SGCZ: variants seen among roughly 807,000 people sequenced by gnomAD.
SGCZ encodes sarcoglycan zeta, also known as zeta-sarcoglycan.
SGCZ carries 40 observed loss-of-function variants against 41.3 expected under a neutral mutation model. The ratio of observed to expected loss-of-function variants is 0.97; its 90% CI spans 0.75 to 1.26. The LOEUF (loss-of-function observed/expected upper bound fraction) is 1.26, where lower values mean the gene tolerates loss of function less well. Ranked by LOEUF, SGCZ falls within the 50% of genes most tolerant of loss-of-function variation. The probability of loss-of-function intolerance (pLI) is 0.00; values close to 1 mark genes in which losing one functional copy is unlikely to be tolerated. For synonymous variants in SGCZ, 206 were observed against 137.5 expected (o/e 1.50, Z -3.49); for missense variants, 552 against 369.8 (o/e 1.49, Z -4.04).
intron 2 of SGCZ, among the ~76,000 whole-genome samples, chr8:14,404,540 G>A (rs28488812): frequency 0.04 from 6,118 of 152,150 alleles, 389 homozygotes; most frequent in African/African-American, 0.14. Flanking sequence ...CAGACTTCAG[G>A]TTGTCATTTC....
intron 2 of SGCZ, among the ~76,000 whole-genome samples, chr8:14,391,765 G>C (rs1200958939): frequency 2.0e-5 from 3 of 152,084 alleles, no homozygotes; most frequent in African/African-American, 7.2e-5. Flanking sequence ...ATAAAGAAAA[G>C]CAATTTAATT....
At chr8:14,905,831 C>T (rs1248944403) in intron 1 of SGCZ, among the ~76,000 whole-genome samples, 1 of 151,546 alleles carries the variant, frequency 6.6e-6, no homozygotes, top group Non-Finnish European at 1.5e-5. Context: ...AACTCAAAAC[C>T]ATTCGTACAA....
rs147610205 is a variant in SGCZ, at chr8:15,226,088, A to G, written c.39+11497T>C. On this transcript the variant is annotated intron_variant, in intron 1 of 7. Coordinates refer to ENST00000382080, the MANE Select transcript of SGCZ (RefSeq NM_139167.4). ...ACAAAGACGTCTAAGCAACATATTT[A>G]CAGGTAACTAACAAACTGAGTACAT... 4.9e-3 allele frequency among the ~76,000 whole-genome samples: 748 copies of G among 152,324 alleles called. 3 individuals carry two copies. Among genetic ancestry groups the G allele is most frequent in the Non-Finnish European group, 7.0e-3 (477 of 68,018 alleles).
At chr8:14,625,854 G>A (rs762207572) in intron 1 of SGCZ, among the ~76,000 whole-genome samples, 1 of 152,120 alleles carries the variant, frequency 6.6e-6, no homozygotes, top group Non-Finnish European at 1.5e-5. Flanking sequence ...GACATTAAAA[G>A]CAGCAGAATT....
At chr8:14,797,830 T>C (rs1215185133) in intron 1 of SGCZ, among the ~76,000 whole-genome samples, 3 of 152,176 alleles carry the variant, frequency 2.0e-5, no homozygotes, top group African/African-American at 7.2e-5. Context: ...CAGCCATGGC[T>C]TAAAGGGGCC....
chr8:15,035,550 T>C (rs1189536834), intron 1 of SGCZ, among the ~76,000 whole-genome samples: 8 of 152,090 alleles, frequency 5.3e-5, no homozygotes, highest in African/African-American at 1.7e-4. Context: ...TCAAATGACA[T>C]AGAGTAGCTA....
intron 1 of SGCZ, among the ~76,000 whole-genome samples, chr8:15,204,340 G>A (rs570985118): frequency 1.6e-4 from 24 of 152,260 alleles, no homozygotes; most frequent in African/African-American, 5.3e-4. Context: ...TTTGACAACC[G>A]TGTGTAGAAG....
At chr8:14,174,015 A>C (rs1015725913) in intron 4 of SGCZ, among the ~76,000 whole-genome samples, 2 of 152,088 alleles carry the variant, frequency 1.3e-5, no homozygotes, top group Non-Finnish European at 2.9e-5. Context: ...GAGTTTTAAA[A>C]AGCTACTTTG....
intron 1 of SGCZ, among the ~76,000 whole-genome samples, chr8:14,818,091 T>C (rs1364923829): frequency 6.6e-6 from 1 of 152,118 alleles, no homozygotes; most frequent in Non-Finnish European, 1.5e-5. Context: ...CCACCCACAC[T>C]GGGCAGACCT....
At chr8:14,639,958 T>A (rs1362415704) in intron 1 of SGCZ, among the ~76,000 whole-genome samples, 1 of 151,680 alleles carries the variant, frequency 6.6e-6, no homozygotes, top group South Asian at 2.1e-4. Flanking sequence ...AGTAGTTACT[T>A]AGAGCAGAAA....
chr8:14,464,237 T>G (rs754288006), intron 2 of SGCZ, among the ~76,000 whole-genome samples: 1 of 151,460 alleles, frequency 6.6e-6, no homozygotes, highest in African/African-American at 2.4e-5. Flanking sequence ...GGTGAAGCCA[T>G]CAAATCTGGG....
At chr8:14,447,184 G>C (rs756527527) in intron 2 of SGCZ, among the ~76,000 whole-genome samples, 64 of 152,158 alleles carry the variant, frequency 4.2e-4, no homozygotes, top group Non-Finnish European at 7.5e-4. Context: ...CAGTCTCATG[G>C]AACAAAAACT....
intron 1 of SGCZ, among the ~76,000 whole-genome samples, chr8:14,708,298 T>C (rs1278622790): frequency 7.9e-5 from 12 of 152,056 alleles, no homozygotes; most frequent in Admixed American, 7.9e-4. Flanking sequence ...CATAGAATAT[T>C]AATTTATGCA....
chr8:14,273,889 A>T (rs1800140822), intron 3 of SGCZ, among the ~76,000 whole-genome samples: 1 of 152,172 alleles, frequency 6.6e-6, no homozygotes, highest in African/African-American at 2.4e-5. Flanking sequence ...AGTCTGAAAG[A>T]GGTAAAAAAT....
chr8:15,035,178 T>A (rs1002673896), intron 1 of SGCZ, among the ~76,000 whole-genome samples: 3 of 152,078 alleles, frequency 2.0e-5, no homozygotes, highest in African/African-American at 4.8e-5. Context: ...TATAAAGAGG[T>A]GTCAACTGTG....
chr8:14,308,011 T>C (rs1239681538), intron 3 of SGCZ, among the ~76,000 whole-genome samples: 1 of 152,082 alleles, frequency 6.6e-6, no homozygotes, highest in African/African-American at 2.4e-5. Context: ...GTGGATGCCA[T>C]GACCAAGGAA....
At position 15,156,887 on chromosome 8, in the gene SGCZ, G is replaced by A. The variant is rs916184575; in HGVS notation, c.39+80698C>T. On this transcript the variant is annotated intron_variant, in intron 1 of 7. Coordinates refer to ENST00000382080, the MANE Select transcript of SGCZ (RefSeq NM_139167.4). ...TTGAACCCAGGAGACGGAGGTGGCAGTAAGCCGAGCATGCAGCATCGCACT... is the reference window on the plus strand; with the variant it reads ...TTGAACCCAGGAGACGGAGGTGGCAATAAGCCGAGCATGCAGCATCGCACT... 7.3e-5 allele frequency among the ~76,000 whole-genome samples: 11 copies of A among 149,890 alleles called. No homozygotes were observed. The Admixed American group carries it at 7.3e-4, about 10-fold the overall frequency.
chr8:14,779,900 C>T (rs74708656), intron 1 of SGCZ, among the ~76,000 whole-genome samples: 1 of 152,092 alleles, frequency 6.6e-6, no homozygotes, highest in East Asian at 1.9e-4. Flanking sequence ...GTAAATTTGA[C>T]CAACGTATGA....
chr8:14,877,946 T>A (rs1350914969), intron 1 of SGCZ, among the ~76,000 whole-genome samples: 7 of 152,170 alleles, frequency 4.6e-5, no homozygotes, highest in African/African-American at 1.7e-4. Context: ...GTTAAATCAG[T>A]ACTGTTGAGA....
Sources: gnomAD v4.1 joint callset for allele counts (sites outside exome capture counted in the v4.1 genomes callset) on GRCh38, gnomAD v4.1.1 for gene constraint, MANE v1.5 for transcripts, NCBI Gene and HGNC (gene_info 2026-07-23, HGNC 2026-07-21) for gene names.